Variants in CYP7B1 observed in about 807,000 individuals in gnomAD.
The protein encoded by CYP7B1 is cytochrome P450 family 7 subfamily B member 1, also known as cytochrome P450 7B1.
CYP7B1 carries 29 observed loss-of-function variants against 42.7 expected under a neutral mutation model. That is an observed-to-expected ratio of 0.68 (90% confidence interval 0.51 to 0.93). The LOEUF is 0.93. Ranked by LOEUF, CYP7B1 falls within the 40% of genes least tolerant of loss-of-function variation. The pLI is 0.00. For missense variants in CYP7B1, 655 were observed against 600.5 expected, an observed-to-expected ratio of 1.09 and a Z score of -0.95; for synonymous variants, 235 against 218.2, an observed-to-expected ratio of 1.08 and a Z score of -0.68.
At position 64,795,968 on chromosome 8, in the gene CYP7B1, A is replaced by C. The variant is rs2129737384; in HGVS notation, c.122+2498T>G. Among the ~76,000 whole-genome samples, 3 of 152,336 alleles carry C rather than the reference A, an allele frequency of 2.0e-5. No individual in the cohort carries two copies. In the East Asian group the frequency reaches 5.8e-4, roughly 29 times the overall value. On this transcript the variant is annotated intron_variant, in intron 1 of 5. Coordinates refer to ENST00000310193, the MANE Select transcript of CYP7B1 (RefSeq NM_004820.5). ...GAATTGATTTTTACCGATTGTTAAAAATTTTTTTACCATTTTTATAGGTAA... is the reference window on the plus strand; with the variant it reads ...GAATTGATTTTTACCGATTGTTAAACATTTTTTTACCATTTTTATAGGTAA...
intron 1 of CYP7B1, among the ~76,000 whole-genome samples, chr8:64,637,740 A>T (rs965016330): frequency 6.6e-6 from 1 of 152,152 alleles, no homozygotes; most frequent in East Asian, 1.9e-4. Flanking sequence ...TGTGAAATAA[A>T]CTTTCAATGT....
At chr8:64,712,245 C>G (rs1807091720) in intron 1 of CYP7B1, among the ~76,000 whole-genome samples, 1 of 151,354 alleles carries the variant, frequency 6.6e-6, no homozygotes, top group South Asian at 2.1e-4. Context: ...AGCACCTTCA[C>G]AGACAAAATT....
chr8:64,789,834 C>T (rs1804589262), intron 1 of CYP7B1, among the ~76,000 whole-genome samples: 1 of 152,188 alleles, frequency 6.6e-6, no homozygotes, highest in African/African-American at 2.4e-5. Flanking sequence ...TAAATAAATC[C>T]ACATCTCCAT....
downstream of CYP7B1, among the ~76,000 whole-genome samples, chr8:64,586,857 T>C (rs2129629498): frequency 6.6e-6 from 1 of 152,352 alleles, no homozygotes. Flanking sequence ...TGAAAGTCTC[T>C]GGATTTGCCA....
At chr8:64,658,219 T>C (rs1806149826) in intron 1 of CYP7B1, among the ~76,000 whole-genome samples, 2 of 152,168 alleles carry the variant, frequency 1.3e-5, no homozygotes, top group Non-Finnish European at 1.5e-5. Context: ...CATAGTATTA[T>C]CTTAATAATC....
At chr8:64,630,181 A>AAT (rs58994066) in intron 1 of CYP7B1, among the ~76,000 whole-genome samples, 7,966 of 152,232 alleles carry the variant, frequency 0.052, 773 homozygotes, top group African/African-American at 0.18. Flanking sequence ...CATTTTATTA[A>AAT]ATAGTTTTAC....
chr8:64,616,691 G>C (rs1268257018), intron 2 of CYP7B1, among the ~76,000 whole-genome samples: 1 of 152,134 alleles, frequency 6.6e-6, no homozygotes, highest in Non-Finnish European at 1.5e-5. Context: ...ACTTCATAAA[G>C]AGCTTTTTCA....
intron 1 of CYP7B1, among the ~76,000 whole-genome samples, chr8:64,678,200 C>A (rs957405527): frequency 3.3e-5 from 5 of 152,208 alleles, no homozygotes; most frequent in Admixed American, 1.3e-4. Context: ...ATAGTCAATG[C>A]TCAAATTCCT....
At chr8:64,761,399 A>G (rs1407311975) in intron 1 of CYP7B1, among the ~76,000 whole-genome samples, 1 of 152,158 alleles carries the variant, frequency 6.6e-6, no homozygotes, top group African/African-American at 2.4e-5. Context: ...GGTTGTGAGA[A>G]TAATTACATA....
At chr8:64,716,219 T>A (rs1437253851) in intron 1 of CYP7B1, among the ~76,000 whole-genome samples, 1 of 152,238 alleles carries the variant, frequency 6.6e-6, no homozygotes, top group East Asian at 1.9e-4. Context: ...ATGTAAGAAC[T>A]TCTTTGTGAT....
intron 2 of CYP7B1, among the ~76,000 whole-genome samples, chr8:64,618,151 A>G (rs1444077111): frequency 6.6e-6 from 1 of 151,448 alleles, no homozygotes. Flanking sequence ...TTACCATCAC[A>G]GCTTAATTAA....
At chr8:64,716,067 A>G (rs1377354894) in intron 1 of CYP7B1, among the ~76,000 whole-genome samples, 1 of 152,038 alleles carries the variant, frequency 6.6e-6, no homozygotes, top group Non-Finnish European at 1.5e-5. Context: ...ATCTTTTCTT[A>G]TGTTCTAACA....
chr8:64,742,088 T>C (rs116381756), intron 1 of CYP7B1, among the ~76,000 whole-genome samples: 2,232 of 152,238 alleles, frequency 0.015, 60 homozygotes, highest in African/African-American at 0.049. Context: ...TTATGAAAAA[T>C]AGAAAATTAT....
chr8:64,695,222 C>T (rs1287187203), intron 1 of CYP7B1, among the ~76,000 whole-genome samples: 2 of 152,116 alleles, frequency 1.3e-5, no homozygotes, highest in African/African-American at 2.4e-5. Flanking sequence ...AAAATACACA[C>T]GCAAAGCCAC....
chr8:64,691,492 G>C (rs937075374), intron 1 of CYP7B1, among the ~76,000 whole-genome samples: 1 of 147,532 alleles, frequency 6.8e-6, no homozygotes, highest in East Asian at 2.0e-4. Flanking sequence ...TGGGGGGGGG[G>C]GGTGGTGGTT....
At chr8:64,625,841 GTTTC>G (rs1249617831) in intron 1 of CYP7B1, among the ~76,000 whole-genome samples, 2 of 151,576 alleles carry the variant, frequency 1.3e-5, no homozygotes, top group African/African-American at 2.4e-5. Flanking sequence ...GGCTATGAGG[GTTTC>G]TTTCTTTCTT....
chr8:64,635,751 C>T (rs1013913676), intron 1 of CYP7B1, among the ~76,000 whole-genome samples: 6 of 152,092 alleles, frequency 3.9e-5, no homozygotes, highest in African/African-American at 1.2e-4. Flanking sequence ...GTATTTTCAC[C>T]CTCCAGAGCA....
At chr8:64,688,953 A>C (rs1806697871) in intron 1 of CYP7B1, among the ~76,000 whole-genome samples, 1 of 152,190 alleles carries the variant, frequency 6.6e-6, no homozygotes, top group Non-Finnish European at 1.5e-5. Flanking sequence ...AAAAACAAAA[A>C]TAAAAAATGT....
chr8:64,589,375 TAA>T (rs1317690091), downstream of CYP7B1, among the ~76,000 whole-genome samples: 2 of 152,194 alleles, frequency 1.3e-5, no homozygotes, highest in African/African-American at 2.4e-5. Context: ...TAGTTCAAAA[TAA>T]AAAGTTTTTT....
Sources: gnomAD v4.1 joint callset for allele counts (sites outside exome capture counted in the v4.1 genomes callset) on GRCh38, gnomAD v4.1.1 for gene constraint, MANE v1.5 for transcripts, NCBI Gene and HGNC (gene_info 2026-07-23, HGNC 2026-07-21) for gene names.